ZNF563: variants seen among roughly 807,000 people sequenced by gnomAD.
ZNF563 encodes zinc finger protein 563.
In ZNF563, 39 loss-of-function variants were observed where a neutral mutation model predicts 48.5. The observed-to-expected ratio is 0.80, with a 90% CI of 0.62 to 1.05. ZNF563 has a LOEUF of 1.05. Among genes scored for constraint, ZNF563 ranks in the 50% least tolerant of loss-of-function variants. ZNF563 has a pLI of 0.00. For missense variants in ZNF563, 538 were observed against 597.0 expected (o/e 0.90, Z 1.03); for synonymous variants, 168 against 187.9 (o/e 0.89, Z 0.87).
chr19:12,342,478 C>CAA, the ZNF563 span, among the ~76,000 whole-genome samples: 6,990 of 144,176 alleles, frequency 0.048, 544 homozygotes, highest in African/African-American at 0.17. Flanking sequence ...TCAAAAAAAA[C>CAA]AAAAAAAAAA....
In ZNF563 at chr19:12,333,539, G is replaced by C; in HGVS notation, c.-57C>G. 6.2e-7 allele frequency: 1 copy of C among 1,609,836 alleles called. No individual in the cohort carries two copies. Among genetic ancestry groups the C allele is most frequent in the Non-Finnish European group, 8.5e-7 (1 of 1,177,656 alleles). ...CCTCTGCCTCCCGCTGCCAGTGCGG[G>C]TCCCACTGTGACAGAGGCTGCCACA... On this transcript the variant is annotated 5_prime_UTR_variant, in exon 1 of 4. Transcript: ENST00000293725.
upstream of ZNF563, among the ~76,000 whole-genome samples, chr19:12,338,115 G>C (rs1040872092): frequency 2.0e-5 from 3 of 151,842 alleles, no homozygotes; most frequent in Non-Finnish European, 4.4e-5. Context: ...AAGAAAGAAA[G>C]GAAGAAAACA....
intron 1 of ZNF563, among the ~76,000 whole-genome samples, chr19:12,323,339 C>A (rs1968685478): frequency 6.6e-6 from 1 of 152,154 alleles, no homozygotes; most frequent in African/African-American, 2.4e-5. Context: ...AGTTAATCCG[C>A]AAAGTGGGAG....
At chr19:12,335,630 T>G (rs1351568883), upstream of ZNF563, among the ~76,000 whole-genome samples, 1 of 152,248 alleles carries the variant, frequency 6.6e-6, no homozygotes, top group East Asian at 1.9e-4. Context: ...GGCCATGGGT[T>G]GGACAAGCTT....
intron 2 of ZNF563, among the ~76,000 whole-genome samples, chr19:12,322,267 G>A (rs1176927569): frequency 2.0e-5 from 3 of 152,080 alleles, no homozygotes; most frequent in Non-Finnish European, 4.4e-5. Flanking sequence ...CGTTGGTCAG[G>A]CTGGTCTCGA....
intron 1 of ZNF563, among the ~76,000 whole-genome samples, chr19:12,328,955 G>C (rs1334989209): frequency 1.3e-5 from 2 of 152,038 alleles, no homozygotes; most frequent in Admixed American, 1.3e-4. Flanking sequence ...TTATGGTGCT[G>C]ATGAAAAAGG....
In ZNF563 at chr19:12,319,276, T is replaced by C. The variant is rs1968534313; in HGVS notation, c.749A>G (p.Glu250Gly). 5.0e-6 allele frequency: 8 copies of C among 1,613,872 alleles called. No individual in the cohort carries two copies. The highest frequency in any genetic ancestry group is 6.8e-6 in the Non-Finnish European group (8 of 1,179,984). ...ACACTGCTTACATTCATACGGTTTC[T>C]CCCCAGTGTGCATTCTCTCATGTCT... The part of the protein sequence containing the change: ...YRRHERMHTG[E>G]KPYECKQCSK... The change falls in exon 4 of 4, where the codon GAG becomes GGG. Residue 250 changes from glutamate (E) to glycine (G), a missense_variant. Coordinates refer to ENST00000293725, the MANE Select transcript of ZNF563 (RefSeq NM_145276.3).
chr19:12,342,590 T>C, the ZNF563 span, among the ~76,000 whole-genome samples: 2 of 150,586 alleles, frequency 1.3e-5, no homozygotes, highest in Admixed American at 6.6e-5. Flanking sequence ...CTGGGCAACA[T>C]AGTAAGACTC....
chr19:12,342,413 A>G, the ZNF563 span, among the ~76,000 whole-genome samples: 1 of 152,110 alleles, frequency 6.6e-6, no homozygotes, highest in African/African-American at 2.4e-5. Context: ...TCAACAACCA[A>G]TGGGTCAAAT....
Position 12,318,720 on chromosome 19 carries a change from G to A in ZNF563, c.1305C>T (p.Ser435=). The A allele has an allele frequency of 6.2e-7, 1 of 1,614,166 alleles. No homozygotes were observed. The change falls in exon 4 of 4, where the codon AGC becomes AGT. Residue 435 remains serine (S), a synonymous_variant. Coordinates refer to ENST00000293725, the MANE Select transcript of ZNF563 (RefSeq NM_145276.3). ...QCGKALSHSS[S]FRRHMVMHTG... Reference sequence around the variant, plus strand: ...TATGCATTACCATATGTCTTCGAAAGCTTGAGCTATGAGATAACGCTTTCC... The same window carrying A: ...TATGCATTACCATATGTCTTCGAAAACTTGAGCTATGAGATAACGCTTTCC...
intron 1 of ZNF563, among the ~76,000 whole-genome samples, chr19:12,330,872 T>A (rs1968902498): frequency 6.6e-6 from 1 of 152,232 alleles, no homozygotes; most frequent in South Asian, 2.1e-4. Context: ...GAGACAGTAT[T>A]CATTTTTCTG....
rs1968544093 is a variant in ZNF563, at chr19:12,319,474, A to G, written c.551T>C (p.Leu184Pro). ...ACCTTGCACTACCATGTGTCTTCGA[A>G]GGTTTCTACGAGAACTGAAGGTTTT... is the stretch of plus-strand genomic sequence containing the variant. ...CGKTFSSRRN[L>P]RRHMVVQGGN... The change falls in exon 4 of 4, where the codon CTT becomes CCT. Residue 184 changes from leucine to proline, a missense_variant. Coordinates refer to ENST00000293725, the MANE Select transcript of ZNF563 (RefSeq NM_145276.3). The G allele has an allele frequency of 6.2e-7, 1 of 1,614,080 alleles. No individual in the cohort carries two copies. Among genetic ancestry groups the G allele is most frequent in the Non-Finnish European group, 8.5e-7 (1 of 1,180,050 alleles).
At chr19:12,339,273 C>CTTTTTT in the ZNF563 span, among the ~76,000 whole-genome samples, 90 of 86,454 alleles carry the variant, frequency 1.0e-3, no homozygotes, top group Non-Finnish European at 1.4e-3. Flanking sequence ...CAGTTGATTT[C>CTTTTTT]TTTTTTTTTT....
In ZNF563 at chr19:12,317,890, T is replaced by TTA. The variant is rs1264889153; in HGVS notation, c.*702_*703dup. On this transcript the variant is annotated 3_prime_UTR_variant, in exon 4 of 4. Coordinates refer to ENST00000293725, the MANE Select transcript of ZNF563 (RefSeq NM_145276.3). ...GAATACTTCCCTACATTTCACACAT[T>TTA]TATAGAGTATCTCTCCAGTGAGTCC... The TTA allele has an allele frequency of 5.3e-6, 1 of 189,494 alleles. No individual in the cohort carries two copies. Among genetic ancestry groups the TTA allele is most frequent in the African/African-American group, 2.4e-5 (1 of 42,288 alleles). The allele number at this position is 189,494 out of a possible 1,614,324, so 11.7% of individuals were successfully genotyped here.
At position 12,318,288 on chromosome 19, in the gene ZNF563, C is replaced by T. The variant is rs575115235; in HGVS notation, c.*306G>A. 2 of 392,220 alleles carry T rather than the reference C, an allele frequency of 5.1e-6. No individual in the cohort carries two copies. The highest frequency in any genetic ancestry group is 1.1e-4 in the East Asian group (2 of 17,862). The allele number at this position is 392,220 out of a possible 1,614,324, so 24.3% of individuals were successfully genotyped here. On this transcript the variant is annotated 3_prime_UTR_variant, in exon 4 of 4. Coordinates refer to ENST00000293725, the MANE Select transcript of ZNF563 (RefSeq NM_145276.3). Reference sequence around the variant, plus strand: ...GATTACAGGCGTGAGCCACTGTGCCCAGCCTCATGTACTTTTAAGTTACCA... The same window carrying T: ...GATTACAGGCGTGAGCCACTGTGCCTAGCCTCATGTACTTTTAAGTTACCA...
chr19:12,322,698 A>C lies in ZNF563; in HGVS notation c.17T>G (p.Phe6Cys), dbSNP rs1461093619. The C allele has an allele frequency of 6.2e-7, 1 of 1,605,878 alleles. No individual in the cohort carries two copies. The highest frequency in any genetic ancestry group is 1.7e-5 in the Admixed American group (1 of 59,292). Reference protein sequence around the residue: MDAVAFEDVAVNFTQE... With the variant: MDAVACEDVAVNFTQE... ...GGTGAAGTTCACAGCCACATCCTCAAAGGCCACTGCGTCCTGAAACATCCC... is the reference window on the plus strand; with the variant it reads ...GGTGAAGTTCACAGCCACATCCTCACAGGCCACTGCGTCCTGAAACATCCC... The change falls in exon 2 of 4, where the codon TTT becomes TGT. Residue 6 changes from phenylalanine to cysteine, a missense_variant. By Grantham distance (205) the Phe-to-Cys change is radical. Transcript: ENST00000293725.
At chr19:12,343,023 C>T in the ZNF563 span, among the ~76,000 whole-genome samples, 1 of 150,890 alleles carries the variant, frequency 6.6e-6, no homozygotes, top group Non-Finnish European at 1.5e-5. Flanking sequence ...TGGTGAAACC[C>T]TGTCTCTACT....
chr19:12,337,716 T>A (rs1161274024), upstream of ZNF563, among the ~76,000 whole-genome samples: 1 of 152,040 alleles, frequency 6.6e-6, no homozygotes, highest in Non-Finnish European at 1.5e-5. Context: ...AGGAAAAAAA[T>A]TCTACAAATA....
chr19:12,344,021 G>A, the ZNF563 span, among the ~76,000 whole-genome samples: 137 of 151,888 alleles, frequency 9.0e-4, 1 homozygote, highest in Non-Finnish European at 1.3e-3. Flanking sequence ...GAGCCACTGC[G>A]CCCAGCCTAT....
Sources: gnomAD v4.1 joint callset for allele counts (sites outside exome capture counted in the v4.1 genomes callset) on GRCh38, gnomAD v4.1.1 for gene constraint, MANE v1.5 for transcripts, NCBI Gene and HGNC (gene_info 2026-07-23, HGNC 2026-07-21) for gene names.